Variants in CCDC102B observed in about 807,000 individuals in gnomAD.
CCDC102B encodes coiled-coil domain containing 102B.
A neutral mutation model predicts 57.4 loss-of-function variants in CCDC102B; 75 were observed. The ratio of observed to expected loss-of-function variants is 1.31; its 90% CI spans 1.08 to 1.58. CCDC102B has a LOEUF of 1.58. CCDC102B is among the 40% of genes most tolerant of loss of function. The pLI is 0.00. For synonymous variants in CCDC102B, 206 were observed against 201.9 expected, an observed-to-expected ratio of 1.02 and a Z score of -0.17; for missense variants, 636 against 582.6, an observed-to-expected ratio of 1.09 and a Z score of -0.94.
chr18:68,870,307 A>G (rs1451048543), intron 4 of CCDC102B, among the ~76,000 whole-genome samples: 3 of 152,184 alleles, frequency 2.0e-5, no homozygotes, highest in Non-Finnish European at 4.4e-5. Flanking sequence ...ATGTATACCT[A>G]TGTAACAAAC....
intron 2 of CCDC102B, among the ~76,000 whole-genome samples, chr18:68,748,031 A>T (rs1352442002): frequency 6.6e-6 from 1 of 152,090 alleles, no homozygotes; most frequent in Non-Finnish European, 1.5e-5. Context: ...AATGCTTGTT[A>T]TCTTTTCTGC....
At chr18:68,726,028 C>T (rs1006349589) in intron 2 of CCDC102B, among the ~76,000 whole-genome samples, 3 of 152,140 alleles carry the variant, frequency 2.0e-5, no homozygotes, top group Non-Finnish European at 4.4e-5. Context: ...CTAATGAGTC[C>T]ATTCAGGGTG....
At chr18:68,841,962 C>T (rs139455395) in intron 3 of CCDC102B, among the ~76,000 whole-genome samples, 2,419 of 152,128 alleles carry the variant, frequency 0.016, 63 homozygotes, top group African/African-American at 0.056. Context: ...TGGTCTCAAA[C>T]TCCTGGCCTC....
chr18:68,946,923 A>G (rs2145185626), intron 6 of CCDC102B, among the ~76,000 whole-genome samples: 1 of 152,134 alleles, frequency 6.6e-6, no homozygotes, highest in Non-Finnish European at 1.5e-5. Flanking sequence ...TTCAATAATA[A>G]TAATCCCCAA....
chr18:68,969,501 G>C (rs1422556185), intron 6 of CCDC102B, among the ~76,000 whole-genome samples: 1 of 83,512 alleles, frequency 1.2e-5, no homozygotes, highest in Non-Finnish European at 2.4e-5. Flanking sequence ...TTCGTTCCTT[G>C]TAGGCAACCA....
chr18:68,922,563 T>C (rs1422782687), intron 6 of CCDC102B, among the ~76,000 whole-genome samples: 1 of 152,138 alleles, frequency 6.6e-6, no homozygotes, highest in African/African-American at 2.4e-5. Context: ...AAGACAAGTC[T>C]GCATTCATGA....
chr18:68,983,087 A>G lies in CCDC102B; in HGVS notation c.1264-27847A>G, dbSNP rs2050634923. 3.3e-5 allele frequency among the ~76,000 whole-genome samples: 5 copies of G among 151,906 alleles called. No homozygotes were observed. In the South Asian group the frequency reaches 8.3e-4, roughly 25 times the overall value. Reference sequence around the variant, plus strand: ...TTCATACTATTCAATTTCCATTTTCAGAAGGATACTTCTCTTTGTATAATT... The same window carrying G: ...TTCATACTATTCAATTTCCATTTTCGGAAGGATACTTCTCTTTGTATAATT... On this transcript the variant is annotated intron_variant, in intron 6 of 7. Transcript: ENST00000360242.
intron 6 of CCDC102B, among the ~76,000 whole-genome samples, chr18:68,915,492 A>G (rs2041039350): frequency 6.6e-6 from 1 of 152,234 alleles, no homozygotes; most frequent in Non-Finnish European, 1.5e-5. Context: ...GCATTTCATA[A>G]TGAATACTTT....
intron 2 of CCDC102B, among the ~76,000 whole-genome samples, chr18:68,771,275 G>A (rs764361425): frequency 3.3e-5 from 5 of 152,236 alleles, no homozygotes; most frequent in Admixed American, 1.3e-4. Context: ...GCAAAGGGGA[G>A]AGGATGTTCT....
At chr18:68,898,055 C>T (rs946882175) in intron 6 of CCDC102B, among the ~76,000 whole-genome samples, 8 of 152,088 alleles carry the variant, frequency 5.3e-5, no homozygotes, top group Middle Eastern at 3.4e-3. Flanking sequence ...ATGCTATAGA[C>T]GGACATTTTT....
intron 6 of CCDC102B, 90 bp from the exon 7 acceptor site, chr18:69,010,844 T>G (rs2051495484): frequency 1.1e-6 from 1 of 892,356 alleles, no homozygotes; most frequent in Non-Finnish European, 1.6e-6. Flanking sequence ...CTTCCTAAAA[T>G]GTTTTTCTCT....
At chr18:68,716,874 C>G (rs755250177) in intron 2 of CCDC102B, among the ~76,000 whole-genome samples, 1 of 151,952 alleles carries the variant, frequency 6.6e-6, no homozygotes, top group Non-Finnish European at 1.5e-5. Flanking sequence ...GTCAAGAGAT[C>G]GAGACCATCC....
chr18:68,921,855 A>G (rs889057907), intron 6 of CCDC102B, among the ~76,000 whole-genome samples: 1 of 152,198 alleles, frequency 6.6e-6, no homozygotes, highest in Non-Finnish European at 1.5e-5. Flanking sequence ...TCTGACCTCC[A>G]GAATTCCAAG....
intron 6 of CCDC102B, among the ~76,000 whole-genome samples, chr18:69,001,400 G>A (rs2145360830): frequency 1.3e-5 from 2 of 151,722 alleles, no homozygotes; most frequent in South Asian, 4.2e-4. Flanking sequence ...CCTTAGTTCA[G>A]CTAAAGACAG....
At chr18:68,914,021 C>G (rs894809361) in intron 6 of CCDC102B, among the ~76,000 whole-genome samples, 3 of 152,194 alleles carry the variant, frequency 2.0e-5, no homozygotes, top group Non-Finnish European at 2.9e-5. Flanking sequence ...TATTTTAAAA[C>G]ATAGGTAATT....
At chr18:68,866,718 G>A in intron 4 of CCDC102B, 1 of 543,298 alleles carries the variant, frequency 1.8e-6, no homozygotes, top group South Asian at 1.6e-5. Context: ...TCATGACGAT[G>A]TCCATTTGCC....
rs1331484627 is a variant in CCDC102B at position 69,034,376 on chromosome 18, T to A, written c.1435-19654T>A. On this transcript the variant is annotated intron_variant, in intron 7 of 7. Transcript: ENST00000360242. ...ATTTGGGTCTATGATCTCTTCTGAG[T>A]TACCTTTGGGGAATGGTATAAAGTG... 3.3e-5 allele frequency among the ~76,000 whole-genome samples: 5 copies of A among 151,986 alleles called. No homozygotes were observed. The East Asian group carries it at 7.7e-4, about 23-fold the overall frequency.
At chr18:68,747,419 A>G (rs983236623) in intron 2 of CCDC102B, among the ~76,000 whole-genome samples, 6 of 152,132 alleles carry the variant, frequency 3.9e-5, no homozygotes, top group Admixed American at 2.0e-4. Context: ...TAAAGTGCAT[A>G]ATATAGTATT....
chr18:68,731,616 A>C (rs2032866506), intron 2 of CCDC102B, among the ~76,000 whole-genome samples: 1 of 151,512 alleles, frequency 6.6e-6, no homozygotes, highest in Non-Finnish European at 1.5e-5. Flanking sequence ...AATTTTATAT[A>C]TGTATGTATA....
Sources: allele counts gnomAD v4.1 joint callset (sites outside exome capture counted in the v4.1 genomes callset), GRCh38; gene constraint gnomAD v4.1.1; transcripts MANE v1.5; gene names NCBI Gene and HGNC (gene_info 2026-07-23, HGNC 2026-07-21).